Variants in FRMD4A observed in about 807,000 individuals in gnomAD.
FRMD4A encodes the protein FERM domain-containing protein 4A.
Under a neutral mutation model 129.1 loss-of-function variants are expected in FRMD4A, and 29 were observed. The observed-to-expected ratio is 0.22, with a 90% confidence interval of 0.17 to 0.31. The LOEUF is 0.31. Ranked by LOEUF, FRMD4A falls within the 10% of genes least tolerant of loss-of-function variation. The pLI is 1.00. For missense variants in FRMD4A, 1,272 were observed against 1,375.8 expected (o/e 0.92, Z 1.19); for synonymous variants, 634 against 571.6 (o/e 1.11, Z -1.56).
intron 2 of FRMD4A, among the ~76,000 whole-genome samples, chr10:14,169,260 C>A (rs1172136360): frequency 6.6e-6 from 1 of 152,124 alleles, no homozygotes; most frequent in Non-Finnish European, 1.5e-5. Flanking sequence ...TAATCTGCCA[C>A]TTCGACTTCT....
chr10:13,875,017 C>T (rs373921486), intron 2 of FRMD4A, among the ~76,000 whole-genome samples: 66 of 152,182 alleles, frequency 4.3e-4, no homozygotes, highest in African/African-American at 1.5e-3. Context: ...CTGGTGGATC[C>T]GTCAATACCC....
chr10:13,774,524 T>C (rs751307416), intron 6 of FRMD4A, among the ~76,000 whole-genome samples: 2 of 152,226 alleles, frequency 1.3e-5, no homozygotes, highest in Non-Finnish European at 2.9e-5. Flanking sequence ...TCCCGATCCC[T>C]GGATGTGGGA....
intron 2 of FRMD4A, among the ~76,000 whole-genome samples, chr10:13,951,932 A>AATAATAATAAG (rs2095374469): frequency 1.2e-5 from 1 of 85,012 alleles, no homozygotes; most frequent in Non-Finnish European, 2.8e-5. Flanking sequence ...ATAATAATAA[A>AATAATAATAAG]CAATCTAAAA....
At chr10:13,813,032 T>C (rs772472282) in intron 3 of FRMD4A, among the ~76,000 whole-genome samples, 53 of 152,380 alleles carry the variant, frequency 3.5e-4, no homozygotes, top group Non-Finnish European at 6.2e-4. Context: ...CGGTAAATGC[T>C]GTGTTTGCCA....
intron 8 of FRMD4A, among the ~76,000 whole-genome samples, chr10:13,751,578 G>A (rs752927446): frequency 2.0e-5 from 3 of 152,206 alleles, no homozygotes; most frequent in Non-Finnish European, 4.4e-5. Flanking sequence ...GTGGCCTAAC[G>A]AATGTTCTAG....
rs1843087081 is a variant in FRMD4A, at chr10:14,216,726, CCT to C, written c.45+113330_45+113331del. Among the ~76,000 whole-genome samples, 4 of 151,972 alleles carry C rather than the reference CCT, an allele frequency of 2.6e-5. No homozygotes were observed. The South Asian group carries it at 8.3e-4, about 32-fold the overall frequency. ...ATCGTTAAACTCTTTGTCTCCAGAA[CCT>C]CTCTTTGTTTTTCTCCTTTTCCCTG... On this transcript the variant is annotated intron_variant, in intron 2 of 24. Coordinates refer to ENST00000357447, the MANE Select transcript of FRMD4A (RefSeq NM_018027.5).
chr10:14,167,894 G>A (rs1024114278), intron 2 of FRMD4A, among the ~76,000 whole-genome samples: 2 of 152,202 alleles, frequency 1.3e-5, no homozygotes, highest in African/African-American at 2.4e-5. Flanking sequence ...CATCCCCGTG[G>A]ATAGACAGAG....
chr10:14,183,427 C>G (rs185359686), intron 2 of FRMD4A, among the ~76,000 whole-genome samples: 1 of 152,270 alleles, frequency 6.6e-6, no homozygotes, highest in Admixed American at 6.5e-5. Context: ...TTTAACAGTA[C>G]TGGGATTGTC....
intron 2 of FRMD4A, among the ~76,000 whole-genome samples, chr10:14,265,369 A>G (rs1391775636): frequency 6.6e-6 from 1 of 152,240 alleles, no homozygotes; most frequent in African/African-American, 2.4e-5. Context: ...CTAGGATCAT[A>G]GTAACAAGAT....
At chr10:13,988,661 G>A (rs944597417) in intron 2 of FRMD4A, among the ~76,000 whole-genome samples, 4 of 152,130 alleles carry the variant, frequency 2.6e-5, no homozygotes, top group African/African-American at 7.2e-5. Context: ...GATAGATACC[G>A]ATAGATCGAT....
intron 2 of FRMD4A, among the ~76,000 whole-genome samples, chr10:13,897,573 C>T (rs1484167312): frequency 6.6e-6 from 1 of 152,284 alleles, no homozygotes; most frequent in East Asian, 1.9e-4. Context: ...GGCAGGCAAC[C>T]TGATGGGCCA....
chr10:14,125,530 GA>G (rs1564316134), intron 2 of FRMD4A, among the ~76,000 whole-genome samples: 1 of 152,184 alleles, frequency 6.6e-6, no homozygotes, highest in African/African-American at 2.4e-5. Context: ...GCATGAAGAA[GA>G]GGAACAATCT....
intron 3 of FRMD4A, among the ~76,000 whole-genome samples, chr10:13,855,895 C>T (rs2094205323): frequency 6.6e-6 from 1 of 151,954 alleles, no homozygotes; most frequent in Non-Finnish European, 1.5e-5. Context: ...GCCTTTCATT[C>T]AGTAGTTTTA....
intron 6 of FRMD4A, among the ~76,000 whole-genome samples, chr10:13,768,561 T>C (rs892841083): frequency 2.0e-5 from 3 of 152,234 alleles, no homozygotes; most frequent in Non-Finnish European, 2.9e-5. Flanking sequence ...GAACCACTTG[T>C]AGGGTTAGGA....
At chr10:14,282,960 T>A (rs946075231) in intron 2 of FRMD4A, among the ~76,000 whole-genome samples, 7 of 152,218 alleles carry the variant, frequency 4.6e-5, no homozygotes, top group African/African-American at 1.7e-4. Context: ...AGTGGTTTCC[T>A]AGGATTTGCC....
intron 2 of FRMD4A, among the ~76,000 whole-genome samples, chr10:14,025,203 T>G (rs1292126273): frequency 6.6e-6 from 1 of 152,202 alleles, no homozygotes; most frequent in Non-Finnish European, 1.5e-5. Context: ...AGGAAAAAAT[T>G]TAATATCTCG....
At chr10:13,978,684 G>A (rs2095550451) in intron 2 of FRMD4A, among the ~76,000 whole-genome samples, 1 of 152,094 alleles carries the variant, frequency 6.6e-6, no homozygotes, top group Non-Finnish European at 1.5e-5. Flanking sequence ...AGTCATCATG[G>A]CATCATCGTT....
At chr10:13,904,416 C>T (rs2094857194) in intron 2 of FRMD4A, among the ~76,000 whole-genome samples, 1 of 152,308 alleles carries the variant, frequency 6.6e-6, no homozygotes, top group African/African-American at 2.4e-5. Flanking sequence ...CCGAGGTTCC[C>T]CTCTCCCATG....
chr10:14,129,371 CATATATATATATATATATATAT>C (rs3033977), intron 2 of FRMD4A, among the ~76,000 whole-genome samples: 1 of 46,202 alleles, frequency 2.2e-5, no homozygotes, highest in African/African-American at 8.2e-5. Context: ...AATTATGATT[CATATATATATATATATATATAT>C]ATATATATAT....
Sources: allele counts gnomAD v4.1 joint callset (sites outside exome capture counted in the v4.1 genomes callset), GRCh38; gene constraint gnomAD v4.1.1; transcripts MANE v1.5; gene names NCBI Gene and HGNC (gene_info 2026-07-23, HGNC 2026-07-21).